Variants in UBE4B observed in about 807,000 individuals in gnomAD.
The protein encoded by UBE4B is ubiquitination factor E4B, also known as ubiquitin conjugation factor E4 B.
A neutral mutation model predicts 148.1 loss-of-function variants in UBE4B; 27 were observed. That is an observed-to-expected ratio of 0.18 (90% CI 0.13 to 0.25). UBE4B has a LOEUF of 0.25. Ranked by LOEUF, UBE4B falls within the 10% of genes least tolerant of loss-of-function variation. UBE4B has a pLI of 1.00. For synonymous variants in UBE4B, 596 were observed against 619.3 expected (o/e 0.96, Z 0.56); for missense variants, 1,170 against 1,662.4 (o/e 0.70, Z 5.15).
chr1:10,071,146 C>G (rs906726723), intron 1 of UBE4B, among the ~76,000 whole-genome samples: 10 of 152,118 alleles, frequency 6.6e-5, no homozygotes, highest in African/African-American at 2.4e-4. Flanking sequence ...ACCTCGTGAT[C>G]CTCCTGCCTC....
intron 2 of UBE4B, among the ~76,000 whole-genome samples, chr1:10,086,602 A>T (rs1009706111): frequency 6.6e-6 from 1 of 152,226 alleles, no homozygotes. Flanking sequence ...TAGAAGCGTC[A>T]GTGGATCCAT....
chr1:10,071,199 C>T (rs1644478472), intron 1 of UBE4B, among the ~76,000 whole-genome samples: 1 of 152,216 alleles, frequency 6.6e-6, no homozygotes, highest in South Asian at 2.1e-4. Flanking sequence ...GCCACCACAC[C>T]TGGCCAATTG....
chr1:10,084,537 T>C (rs1444833600), intron 2 of UBE4B, among the ~76,000 whole-genome samples: 1 of 152,014 alleles, frequency 6.6e-6, no homozygotes, highest in Non-Finnish European at 1.5e-5. Context: ...CCAAACTAGA[T>C]TGAAAGCTCT....
At position 10,059,379 on chromosome 1, in the gene UBE4B, A is replaced by G. The variant is rs368400893; in HGVS notation, c.25-12649A>G. 30 of 197,450 alleles carry G rather than the reference A, an allele frequency of 1.5e-4. No homozygotes were observed. The South Asian group carries it at 2.7e-3, about 18-fold the overall frequency. The allele number at this position is 197,450 out of a possible 1,614,324, so 12.2% of individuals were successfully genotyped here. A position where few individuals can be genotyped will look rare whatever the true frequency, so the allele number is the denominator to read the frequency against. On this transcript the variant is annotated intron_variant, in intron 1 of 27. Coordinates refer to ENST00000343090, the MANE Select transcript of UBE4B (RefSeq NM_001105562.3). ...AGAGTCTGAAGGACACTATTGTCAG[A>G]GCTCTGCCCTTTTGGAATGAAGAAA...
intron 1 of UBE4B, among the ~76,000 whole-genome samples, chr1:10,048,373 G>T (rs146001182): frequency 6.6e-6 from 1 of 152,144 alleles, no homozygotes; most frequent in Admixed American, 6.5e-5. Flanking sequence ...TGCAGTTCTT[G>T]GGGGAGGTTG....
intron 10 of UBE4B, among the ~76,000 whole-genome samples, chr1:10,126,338 G>GATAGATAGATAGATAGATAT (rs1645495746): frequency 1.3e-5 from 2 of 152,104 alleles, no homozygotes; most frequent in African/African-American, 4.8e-5. Flanking sequence ...TAGATAGATA[G>GATAGATAGATAGATAGATAT]ATAGATAGAT....
rs867936984 is a variant in UBE4B at position 10,036,573 on chromosome 1, G to T, written c.24+2879G>T. On this transcript the variant is annotated intron_variant, in intron 1 of 27. Transcript: ENST00000343090. ...TGGTCTCAAACTCCTGACCTCAAGC[G>T]ATCCTCCCACTTCAGCCTCCCAAAG... Among the ~76,000 whole-genome samples, 13 of 151,584 alleles carry T rather than the reference G, an allele frequency of 8.6e-5. 1 individual carries two copies. The highest frequency in any genetic ancestry group is 3.2e-3 in the Middle Eastern group (1 of 316).
intron 1 of UBE4B, among the ~76,000 whole-genome samples, chr1:10,056,304 A>G (rs981474990): frequency 6.6e-6 from 1 of 152,250 alleles, no homozygotes; most frequent in Non-Finnish European, 1.5e-5. Context: ...CAAAGGGGAA[A>G]CTGAGCCTAA....
At chr1:10,132,564 G>GGAGTGCTGGTACAGTA in intron 15 of UBE4B, 82 bp downstream of exon 15, 1 of 1,175,012 alleles carries the variant, frequency 8.5e-7, no homozygotes, top group Non-Finnish European at 1.2e-6. Flanking sequence ...ACCAGGCACT[G>GGAGTGCTGGTACAGTA]TTCTAGGAGT....
rs780981252 is a variant in UBE4B, at chr1:10,106,262, C to G, written c.875C>G (p.Ser292Cys). The G allele has an allele frequency of 3.1e-6, 5 of 1,614,140 alleles. No individual in the cohort carries two copies. In the East Asian group the frequency reaches 8.9e-5, roughly 29 times the overall value. ...AGCTCTGTTCCCGTGATGGGCCCGT[C>G]TCTTGCCTCACCTTCCCGTGCAGCC... ...FWSSVPVMGP[S>C]LASPSRAASQ... Residue 292 changes from serine to cysteine, a missense_variant, in exon 7 of 28, where the codon TCT becomes TGT. Physicochemically the swap from Ser to Cys is moderately radical, Grantham distance 112. Transcript: ENST00000343090. This position sits in a 1 kb window ranked among gnomAD's most constrained non-coding sequence, Gnocchi z 4.2.
At chr1:10,115,917 A>G (rs1645300640) in intron 7 of UBE4B, among the ~76,000 whole-genome samples, 1 of 152,268 alleles carries the variant, frequency 6.6e-6, no homozygotes, top group Non-Finnish European at 1.5e-5. Flanking sequence ...TACAGTAAAA[A>G]TATGGCATTA....
At position 10,102,391 on chromosome 1, in the gene UBE4B, CTTTTTTTTTTTTTTTTTTT is replaced by C. The variant is rs33997625; in HGVS notation, c.436-538_436-520del. On this transcript the variant is annotated intron_variant, in intron 4 of 27. Transcript: ENST00000343090. Reference sequence around the variant, plus strand: ...GGTGACTTTTGATAATGACTTTGCTCTTTTTTTTTTTTTTTTTTTTTTTTTTTTTTTTTTTTTGAGACAG... The same window carrying C: ...GGTGACTTTTGATAATGACTTTGCTCTTTTTTTTTTTTTTTTTTGAGACAG... Among the ~76,000 whole-genome samples the C allele has an allele frequency of 1.8e-3, 92 of 51,562 alleles. No homozygotes were observed. In the East Asian group the frequency reaches 0.034, roughly 19 times the overall value. The allele number at this position is 51,562 out of a possible 152,430, so 33.8% of individuals were successfully genotyped here.
chr1:10,120,243 G>A (rs895930422), intron 9 of UBE4B, among the ~76,000 whole-genome samples: 2 of 152,108 alleles, frequency 1.3e-5, no homozygotes, highest in Admixed American at 6.5e-5. Context: ...AGTTTAGGCC[G>A]AGCATGGTGG....
intron 7 of UBE4B, among the ~76,000 whole-genome samples, chr1:10,108,164 T>TGTGC (rs1170991466): frequency 3.9e-5 from 6 of 152,038 alleles, no homozygotes; most frequent in African/African-American, 7.2e-5. Flanking sequence ...TGTGTGTGTG[T>TGTGC]GTGCGTGCGT....
intron 7 of UBE4B, among the ~76,000 whole-genome samples, chr1:10,114,549 C>CA (rs999626160): frequency 2.4e-4 from 37 of 151,846 alleles, no homozygotes; most frequent in African/African-American, 8.2e-4. Flanking sequence ...TAAAGTATAC[C>CA]AAAAAATTAG....
chr1:10,148,461 G>A (rs1285371007), intron 19 of UBE4B, among the ~76,000 whole-genome samples: 1 of 151,104 alleles, frequency 6.6e-6, no homozygotes, highest in East Asian at 2.0e-4. Flanking sequence ...GTGAAACACC[G>A]TCTCTACTAA....
At chr1:10,087,165 A>G (rs1644780022) in intron 2 of UBE4B, among the ~76,000 whole-genome samples, 1 of 152,136 alleles carries the variant, frequency 6.6e-6, no homozygotes, top group African/African-American at 2.4e-5. Flanking sequence ...TGGCTCCTCA[A>G]AGTAGAACTA....
At chr1:10,153,945 G>T (rs1390101643) in intron 21 of UBE4B, among the ~76,000 whole-genome samples, 5 of 152,160 alleles carry the variant, frequency 3.3e-5, no homozygotes. Context: ...AGCCTGGCAT[G>T]GTGGCACATG....
In UBE4B at chr1:10,147,001, A is replaced by G. The variant is rs754220300; in HGVS notation, c.2502A>G (p.Leu834=). The change falls in exon 19 of 28, where the codon CTA becomes CTG. Residue 834 remains leucine (L), a synonymous_variant. Coordinates refer to ENST00000343090, the MANE Select transcript of UBE4B (RefSeq NM_001105562.3). ...GCAAGGCCTGTGCTGATGCTGGCCT[A>G]CTTGACGAGAGCTTCCTGAGAAGAT... ...VRCKACADAG[L]LDESFLRRCL... 1.2e-6 allele frequency: 2 copies of G among 1,613,932 alleles called. No homozygotes were observed. Among genetic ancestry groups the G allele is most frequent in the Non-Finnish European group, 8.5e-7 (1 of 1,180,018 alleles).
Sources: gnomAD v4.1 joint callset for allele counts (sites outside exome capture counted in the v4.1 genomes callset) on GRCh38, gnomAD v4.1.1 for gene constraint, Gnocchi (gnomAD v3.1) non-coding constraint, MANE v1.5 for transcripts, NCBI Gene and HGNC (gene_info 2026-07-23, HGNC 2026-07-21) for gene names.